UST: variants seen among roughly 807,000 people sequenced by gnomAD.
The protein encoded by UST is uronyl 2-sulfotransferase, also known as chondroitin sulfate 2-O-sulfotransferase.
In UST, 21 loss-of-function variants were observed where a neutral mutation model predicts 45.6. The observed-to-expected ratio is 0.46, with a 90% CI of 0.33 to 0.66. The LOEUF (loss-of-function observed/expected upper bound fraction) is 0.66. Ranked by LOEUF, UST falls within the 30% of genes least tolerant of loss-of-function variation. UST has a pLI of 0.02. For missense variants in UST, 463 were observed against 512.4 expected (o/e 0.90, Z 0.93); for synonymous variants, 215 against 200.6 (o/e 1.07, Z -0.61).
intron 1 of UST, among the ~76,000 whole-genome samples, chr6:148,808,709 T>C (rs912484272): frequency 5.3e-5 from 8 of 152,156 alleles, no homozygotes; most frequent in Non-Finnish European, 1.2e-4. Flanking sequence ...ATGTTGAAGC[T>C]TCAGCCCCCA....
chr6:148,926,709 G>A lies in UST; in HGVS notation c.292-14570G>A, dbSNP rs551682372. 8.9e-4 allele frequency among the ~76,000 whole-genome samples: 136 copies of A among 152,320 alleles called. 2 individuals are homozygous for A. The highest frequency in any genetic ancestry group is 3.2e-3 in the African/African-American group (131 of 41,574). ...TTGCCCAAGAGGCCAACTCAGCAGT[G>A]TTCATTTATAACTCATTCATTTGTT... On this transcript the variant is annotated intron_variant, in intron 2 of 7. Transcript: ENST00000367463.
chr6:148,880,039 C>T (rs781157318), intron 1 of UST, among the ~76,000 whole-genome samples: 7 of 147,220 alleles, frequency 4.8e-5, no homozygotes. Flanking sequence ...ACTGTGATGT[C>T]TCCCTCCTGG....
At chr6:148,869,910 C>T (rs1438858522) in intron 1 of UST, among the ~76,000 whole-genome samples, 1 of 152,132 alleles carries the variant, frequency 6.6e-6, no homozygotes, top group Non-Finnish European at 1.5e-5. Flanking sequence ...AAACAGGAGG[C>T]AGAGCTGGAA....
intron 2 of UST, 142 bp from the exon 3 acceptor site, chr6:148,941,137 T>C: frequency 1.1e-6 from 1 of 920,448 alleles, no homozygotes; most frequent in South Asian, 1.6e-5. Flanking sequence ...TGAACTGATA[T>C]ACATCCTTTT....
At chr6:148,966,812 C>A (rs1282528612) in intron 5 of UST, among the ~76,000 whole-genome samples, 1 of 152,250 alleles carries the variant, frequency 6.6e-6, no homozygotes, top group Non-Finnish European at 1.5e-5. Context: ...TCTCTGCTCA[C>A]TGCAACCTCC....
chr6:148,992,514 G>A (rs1213179097), intron 5 of UST, among the ~76,000 whole-genome samples: 1 of 152,004 alleles, frequency 6.6e-6, no homozygotes, highest in Admixed American at 6.6e-5. Context: ...TCCTGCCGGG[G>A]GTCTGTGGAC....
intron 2 of UST, among the ~76,000 whole-genome samples, chr6:148,936,097 G>A (rs1363514570): frequency 6.6e-6 from 1 of 152,212 alleles, no homozygotes; most frequent in African/African-American, 2.4e-5. Context: ...CAGGAGAGCC[G>A]AGAGCTGGGC....
chr6:148,876,827 A>ACGTTTC (rs765305536), intron 1 of UST, among the ~76,000 whole-genome samples: 2 of 151,502 alleles, frequency 1.3e-5, no homozygotes, highest in Non-Finnish European at 2.9e-5. Context: ...TGTGCTGACC[A>ACGTTTC]CGTTTCCTTA....
chr6:149,019,286 A>G (rs773299378), intron 6 of UST, 50 bp downstream of exon 6: 48 of 1,406,410 alleles, frequency 3.4e-5, no homozygotes, highest in Non-Finnish European at 4.4e-5. Flanking sequence ...AACAAGGGCA[A>G]GAACCCCACC....
At chr6:148,818,745 T>G (rs1369512590) in intron 1 of UST, among the ~76,000 whole-genome samples, 1 of 152,234 alleles carries the variant, frequency 6.6e-6, no homozygotes, top group Non-Finnish European at 1.5e-5. Flanking sequence ...GTTCATTGGA[T>G]GTGATTGAGA....
intron 1 of UST, among the ~76,000 whole-genome samples, chr6:148,822,202 C>T (rs1260207268): frequency 1.3e-5 from 2 of 152,122 alleles, no homozygotes; most frequent in African/African-American, 4.8e-5. Flanking sequence ...TGCACACACA[C>T]GTCTATATCA....
At chr6:148,869,452 C>T (rs1778508775) in intron 1 of UST, among the ~76,000 whole-genome samples, 2 of 152,130 alleles carry the variant, frequency 1.3e-5, no homozygotes, top group Non-Finnish European at 2.9e-5. Flanking sequence ...TGAGGATTAC[C>T]TTTCCAAATG....
At chr6:149,023,363 G>A (rs917034718) in intron 7 of UST, among the ~76,000 whole-genome samples, 1 of 152,120 alleles carries the variant, frequency 6.6e-6, no homozygotes, top group Admixed American at 6.5e-5. Context: ...CTCAGACCAA[G>A]AGCCACGTGT....
At chr6:148,910,920 C>T (rs1779461928) in intron 2 of UST, among the ~76,000 whole-genome samples, 1 of 152,114 alleles carries the variant, frequency 6.6e-6, no homozygotes, top group African/African-American at 2.4e-5. Context: ...TTTCTCCTTC[C>T]GGCTGATCCA....
chr6:148,935,524 G>T (rs1000640307), intron 2 of UST, among the ~76,000 whole-genome samples: 1 of 152,204 alleles, frequency 6.6e-6, no homozygotes, highest in Non-Finnish European at 1.5e-5. Flanking sequence ...GGATAATGAA[G>T]ATTTCGAGAT....
chr6:148,927,948 G>A (rs139375692), intron 2 of UST, among the ~76,000 whole-genome samples: 1 of 152,304 alleles, frequency 6.6e-6, no homozygotes, highest in Non-Finnish European at 1.5e-5. Flanking sequence ...ACATCTTTCA[G>A]CCAGCCCTTT....
chr6:148,775,427 A>AT (rs1776512165), intron 1 of UST, among the ~76,000 whole-genome samples: 1 of 152,146 alleles, frequency 6.6e-6, no homozygotes, highest in African/African-American at 2.4e-5. Flanking sequence ...AAACGTGAGC[A>AT]TGTGCGTTTA....
intron 7 of UST, among the ~76,000 whole-genome samples, chr6:149,069,941 G>A (rs1055243762): frequency 3.9e-5 from 6 of 152,122 alleles, no homozygotes; most frequent in African/African-American, 1.2e-4. Context: ...ATTGTTTTTA[G>A]GAAATTACTG....
intron 1 of UST, among the ~76,000 whole-genome samples, chr6:148,868,278 GC>G (rs1778483881): frequency 1.3e-5 from 2 of 152,188 alleles, no homozygotes; most frequent in African/African-American, 4.8e-5. Flanking sequence ...TGTTAAGTAG[GC>G]TTGGATATAT....
Sources: allele counts gnomAD v4.1 joint callset (sites outside exome capture counted in the v4.1 genomes callset), GRCh38; gene constraint gnomAD v4.1.1; transcripts MANE v1.5; gene names NCBI Gene and HGNC (gene_info 2026-07-23, HGNC 2026-07-21).